Variants in ACSL1 observed in about 807,000 individuals in gnomAD.
The protein encoded by ACSL1 is acyl-CoA synthetase long chain family member 1, also known as long-chain-fatty-acid--CoA ligase 1.
A neutral mutation model predicts 98.4 loss-of-function variants in ACSL1; 41 were observed. The observed-to-expected ratio is 0.42, with a 90% confidence interval of 0.32 to 0.54. The LOEUF is 0.54. Ranked by LOEUF, ACSL1 falls within the 20% of genes least tolerant of loss-of-function variation. The pLI, the probability that ACSL1 is intolerant of heterozygous loss-of-function variation, is 0.13. For missense variants in ACSL1, 734 were observed against 883.1 expected (o/e 0.83, Z 2.14); for synonymous variants, 316 against 322.7 (o/e 0.98, Z 0.22).
intron 17 of ACSL1, among the ~76,000 whole-genome samples, chr4:184,762,095 C>G (rs1007400690): frequency 2.6e-5 from 4 of 151,686 alleles, no homozygotes; most frequent in Non-Finnish European, 5.9e-5. Flanking sequence ...CCATTGCACT[C>G]CAGCCAGCCT....
intron 18 of ACSL1, among the ~76,000 whole-genome samples, chr4:184,759,963 T>G (rs1762632008): frequency 6.6e-6 from 1 of 152,228 alleles, no homozygotes; most frequent in African/African-American, 2.4e-5. Context: ...CAACCACCGT[T>G]TGCTCAAAAA....
chr4:184,769,040 GC>G (rs1764083345), intron 11 of ACSL1, among the ~76,000 whole-genome samples: 1 of 149,438 alleles, frequency 6.7e-6, no homozygotes, highest in Admixed American at 6.7e-5. Flanking sequence ...CTGCTCTCCA[GC>G]CTGGGCCACG....
At chr4:184,802,758 G>C (rs779853802) in intron 2 of ACSL1, among the ~76,000 whole-genome samples, 2 of 152,144 alleles carry the variant, frequency 1.3e-5, no homozygotes, top group African/African-American at 4.8e-5. Context: ...CAACCACGGC[G>C]CTCAGCAGCC....
intron 7 of ACSL1, among the ~76,000 whole-genome samples, chr4:184,774,793 A>G (rs994196631): frequency 1.1e-5 from 1 of 90,252 alleles, no homozygotes; most frequent in Non-Finnish European, 2.5e-5. Flanking sequence ...CCCAGCATAC[A>G]TTAAGTTTTC....
chr4:184,760,447 T>C lies in ACSL1; in HGVS notation c.1692A>G (p.Gln564=), dbSNP rs573327908. ...TCTTTTCAGGGGCTATGTATTCTCC[T>C]TGTGCCAGCTTAAATATGTGCTTTT... ...DRKKHIFKLA[Q]GEYIAPEKIE... The change falls in exon 18 of 21, where the codon CAA becomes CAG. Residue 564 remains glutamine, a synonymous_variant. Coordinates refer to ENST00000281455, the MANE Select transcript of ACSL1 (RefSeq NM_001995.5). The C allele has an allele frequency of 1.9e-4, 307 of 1,614,188 alleles. 3 individuals carry two copies. In the South Asian group the frequency reaches 3.2e-3, roughly 17 times the overall value.
At chr4:184,786,130 C>G (rs1767259740) in intron 3 of ACSL1, among the ~76,000 whole-genome samples, 1 of 152,168 alleles carries the variant, frequency 6.6e-6, no homozygotes, top group Admixed American at 6.5e-5. Context: ...GCCCACGACC[C>G]TTAACTGGAA....
At chr4:184,772,432 G>T (rs886985182) in intron 10 of ACSL1, among the ~76,000 whole-genome samples, 1 of 152,168 alleles carries the variant, frequency 6.6e-6, no homozygotes, top group African/African-American at 2.4e-5. Flanking sequence ...TAAGGAAAAG[G>T]CATATGGTTC....
At chr4:184,790,468 G>T (rs942609101) in intron 2 of ACSL1, among the ~76,000 whole-genome samples, 1 of 152,072 alleles carries the variant, frequency 6.6e-6, no homozygotes, top group Non-Finnish European at 1.5e-5. Context: ...TAGTTTTCTG[G>T]AGTAAATATG....
Position 184,825,327 on chromosome 4 carries a change from A to C in ACSL1, c.-33+589T>G. The stretch of plus-strand genomic sequence containing the variant: ...ATCAATGACTCCACGGCCAAGTGCA[A>C]GGGCCACGGGCACTCCTCTGGAGTC... On this transcript the variant is annotated intron_variant, in intron 1 of 20. Transcript: ENST00000281455. This position sits in a 1 kb window ranked among gnomAD's most constrained non-coding sequence, Gnocchi z 4.7. 2 of 834,856 alleles carry C rather than the reference A, an allele frequency of 2.4e-6. No individual in the cohort carries two copies. The highest frequency in any genetic ancestry group is 2.9e-6 in the Non-Finnish European group (2 of 692,298). The allele number at this position is 834,856 out of a possible 1,614,324, so 51.7% of individuals were successfully genotyped here.
chr4:184,763,440 A>G (rs1763140700), intron 15 of ACSL1, among the ~76,000 whole-genome samples, 185 bp from the exon 16 acceptor site: 1 of 152,230 alleles, frequency 6.6e-6, no homozygotes, highest in Admixed American at 6.5e-5. Context: ...CTAGGGAAGA[A>G]CATATTTAGT....
chr4:184,765,808 CA>C, intron 14 of ACSL1, 82 bp downstream of exon 14: 1 of 1,178,796 alleles, frequency 8.5e-7, no homozygotes, highest in Non-Finnish European at 1.2e-6. Flanking sequence ...CACACACACA[CA>C]CACAGTACAG....
rs1368224501 is a variant in ACSL1 at position 184,777,038 on chromosome 4, T to C, written c.478-55A>G. The C allele has an allele frequency of 7.5e-6, 11 of 1,466,984 alleles. No homozygotes were observed. In the South Asian group the frequency reaches 1.3e-4, roughly 17 times the overall value. 90.9% of individuals were successfully genotyped at this position (1,466,984 alleles called of 1,614,324 possible). ...AAACAGGATGTCATCATGTAATCAA[T>C]AAGGAGAACAATACTCAAGAGAGAT... is the stretch of plus-strand genomic sequence containing the variant. On this transcript the variant is annotated intron_variant, in intron 5 of 20. Transcript: ENST00000281455.
At chr4:184,770,105 C>A in intron 11 of ACSL1, 1 of 771,400 alleles carries the variant, frequency 1.3e-6, no homozygotes, top group Non-Finnish European at 2.0e-6. Context: ...AAAGTCTGAA[C>A]TCCTAATTTT....
intron 2 of ACSL1, among the ~76,000 whole-genome samples, chr4:184,799,204 C>T (rs1263129145): frequency 6.6e-6 from 1 of 151,652 alleles, no homozygotes; most frequent in South Asian, 2.1e-4. Flanking sequence ...CTGCAACCTC[C>T]GCCTCCCAGG....
chr4:184,810,743 G>A (rs1192622559), intron 1 of ACSL1, among the ~76,000 whole-genome samples: 2 of 152,310 alleles, frequency 1.3e-5, no homozygotes, highest in African/African-American at 4.8e-5. Context: ...GATAGGATAG[G>A]AAAGGGGAAG....
In ACSL1 at chr4:184,776,537, C is replaced by T; in HGVS notation, c.703G>A (p.Val235Met). Reference protein sequence around the residue: ...VVMDAYGSELVERGQRCGVEV... With the variant: ...VVMDAYGSELMERGQRCGVEV... ...ACCCCACACCTCTGGCCTCGTTCCA[C>T]CAGTTCACTGCCGTAGGCATCCATG... Residue 235 changes from valine (V) to methionine (M), a missense_variant, in exon 7 of 21, where the codon GTG becomes ATG. Transcript: ENST00000281455. The T allele has an allele frequency of 6.2e-7, 1 of 1,614,152 alleles. No individual in the cohort carries two copies. The highest frequency in any genetic ancestry group is 8.5e-7 in the Non-Finnish European group (1 of 1,179,988).
intron 16 of ACSL1, 84 bp from the exon 17 acceptor site, chr4:184,762,607 G>T: frequency 8.3e-7 from 1 of 1,204,252 alleles, no homozygotes; most frequent in Non-Finnish European, 1.2e-6. Flanking sequence ...GTACGTGTGT[G>T]TCTGCCCCAA....
intron 2 of ACSL1, among the ~76,000 whole-genome samples, chr4:184,801,949 T>C (rs1450292363): frequency 6.6e-6 from 1 of 152,248 alleles, no homozygotes; most frequent in Non-Finnish European, 1.5e-5. Context: ...GTCTTAACAC[T>C]GCACTTGCCA....
rs749866178 is a variant in ACSL1 at position 184,768,239 on chromosome 4, G to A, written c.1128+77C>T. ...GTCCAGGGTCATACAGATGGCACATGGCACAGCCCAATTCAAGCCCAAGCC... is the reference window on the plus strand; with the variant it reads ...GTCCAGGGTCATACAGATGGCACATAGCACAGCCCAATTCAAGCCCAAGCC... On this transcript the variant is annotated intron_variant, in intron 12 of 20. Coordinates refer to ENST00000281455, the MANE Select transcript of ACSL1 (RefSeq NM_001995.5). The A allele has an allele frequency of 2.0e-6, 3 of 1,471,456 alleles. No individual in the cohort carries two copies. In the East Asian group the frequency reaches 7.1e-5, roughly 35 times the overall value. The allele number at this position is 1,471,456 out of a possible 1,614,324, so 91.1% of individuals were successfully genotyped here.
Sources: gnomAD v4.1 joint callset for allele counts (sites outside exome capture counted in the v4.1 genomes callset) on GRCh38, gnomAD v4.1.1 for gene constraint, Gnocchi (gnomAD v3.1) non-coding constraint, MANE v1.5 for transcripts, NCBI Gene and HGNC (gene_info 2026-07-23, HGNC 2026-07-21) for gene names.